Variants in SLC24A2 observed in about 807,000 individuals in gnomAD.
SLC24A2 encodes the protein solute carrier family 24 member 2.
Under a neutral mutation model 62.0 loss-of-function variants are expected in SLC24A2, and 36 were observed. That is an observed-to-expected ratio of 0.58 (90% CI 0.44 to 0.77). The LOEUF (loss-of-function observed/expected upper bound fraction) is 0.77, where lower values mean the gene tolerates loss of function less well. Ranked by LOEUF, SLC24A2 falls within the 30% of genes least tolerant of loss-of-function variation. The probability of loss-of-function intolerance (pLI) is 0.00; values close to 1 mark genes in which losing one functional copy is unlikely to be tolerated. For missense variants in SLC24A2, 846 were observed against 817.9 expected (o/e 1.03, Z -0.42); for synonymous variants, 358 against 294.0 (o/e 1.22, Z -2.23).
the SLC24A2 span, among the ~76,000 whole-genome samples, chr9:20,256,600 C>T: frequency 6.6e-6 from 1 of 152,108 alleles, no homozygotes. Context: ...CTTTCTAATC[C>T]TTACATGCTC....
At chr9:20,191,415 T>C in the SLC24A2 span, among the ~76,000 whole-genome samples, 7 of 152,156 alleles carry the variant, frequency 4.6e-5, no homozygotes, top group East Asian at 7.7e-4. Flanking sequence ...GCCAGCATGA[T>C]TTATGGGACC....
chr9:19,820,317 T>C, the SLC24A2 span, among the ~76,000 whole-genome samples: 19 of 150,304 alleles, frequency 1.3e-4, no homozygotes, highest in Admixed American at 9.3e-4. Context: ...GAGAAAAGAC[T>C]ACAAATATGG....
the SLC24A2 span, among the ~76,000 whole-genome samples, chr9:20,165,589 A>G: frequency 6.6e-6 from 1 of 151,908 alleles, no homozygotes; most frequent in Non-Finnish European, 1.5e-5. Flanking sequence ...TAGACATTTG[A>G]AAAAAGAAAA....
the SLC24A2 span, among the ~76,000 whole-genome samples, chr9:20,024,288 T>C: frequency 1.3e-5 from 2 of 152,268 alleles, no homozygotes; most frequent in Non-Finnish European, 2.9e-5. Flanking sequence ...ACCTGGAAAG[T>C]GATTTGCAAG....
chr9:20,116,783 C>A, the SLC24A2 span, among the ~76,000 whole-genome samples: 1 of 152,084 alleles, frequency 6.6e-6, no homozygotes, highest in Non-Finnish European at 1.5e-5. Context: ...TTCATTGACT[C>A]TGAGGCAAGA....
chr9:20,023,381 G>A, the SLC24A2 span, among the ~76,000 whole-genome samples: 1 of 152,212 alleles, frequency 6.6e-6, no homozygotes, highest in Non-Finnish European at 1.5e-5. Flanking sequence ...GCAGTGAGCA[G>A]GAGGTAATAG....
In SLC24A2 at chr9:19,513,966, C is replaced by G. The variant is rs1482882128; in HGVS notation, c.*2187G>C. ...ATTAGGTGGCAGGTTCCACTCAGCG[C>G]CTCTATTGGATGGTGTTTCAATGTC... is the stretch of plus-strand genomic sequence containing the variant. On this transcript the variant is annotated 3_prime_UTR_variant, in exon 11 of 11. Coordinates refer to ENST00000341998, the MANE Select transcript of SLC24A2 (RefSeq NM_020344.4). 1 of 152,186 alleles carries G rather than the reference C, an allele frequency of 6.6e-6. No homozygotes were observed. The highest frequency in any genetic ancestry group is 2.4e-5 in the African/African-American group (1 of 41,428). The allele number at this position is 152,186 out of a possible 1,614,324, so 9.4% of individuals were successfully genotyped here. A position where few individuals can be genotyped will look rare whatever the true frequency, so the allele number is the denominator to read the frequency against.
the SLC24A2 span, among the ~76,000 whole-genome samples, chr9:19,807,045 ATAG>A: frequency 6.6e-6 from 1 of 152,170 alleles, no homozygotes; most frequent in Non-Finnish European, 1.5e-5. Context: ...AAGAGAAAAC[ATAG>A]GGAGAAATGC....
At chr9:20,122,471 G>A in the SLC24A2 span, among the ~76,000 whole-genome samples, 1 of 152,222 alleles carries the variant, frequency 6.6e-6, no homozygotes, top group African/African-American at 2.4e-5. Flanking sequence ...CAGATCACTT[G>A]AAGTCAGGAG....
chr9:20,191,551 C>G, the SLC24A2 span, among the ~76,000 whole-genome samples: 3 of 151,554 alleles, frequency 2.0e-5, no homozygotes, highest in Non-Finnish European at 4.4e-5. Context: ...GAGTTTATTC[C>G]CTATGGCTAG....
At chr9:20,175,192 T>C in the SLC24A2 span, among the ~76,000 whole-genome samples, 4 of 151,882 alleles carry the variant, frequency 2.6e-5, no homozygotes, top group East Asian at 7.8e-4. Context: ...TATGAGGATG[T>C]GAAGACATAA....
chr9:19,729,223 G>C (rs1821263113), intron 2 of SLC24A2, among the ~76,000 whole-genome samples: 1 of 152,094 alleles, frequency 6.6e-6, no homozygotes, highest in South Asian at 2.1e-4. Context: ...TTATCAAAAA[G>C]ACAAAAAATA....
At chr9:20,133,266 C>T in the SLC24A2 span, among the ~76,000 whole-genome samples, 3 of 152,068 alleles carry the variant, frequency 2.0e-5, no homozygotes, top group Non-Finnish European at 4.4e-5. Context: ...ACATCTCCTA[C>T]TGGATCTGCT....
At chr9:19,862,502 C>A in the SLC24A2 span, among the ~76,000 whole-genome samples, 31 of 152,048 alleles carry the variant, frequency 2.0e-4, no homozygotes, top group Non-Finnish European at 4.0e-4. Context: ...CCTGAAGGTA[C>A]AAATCTCACT....
At chr9:19,708,626 G>C (rs1051084087) in intron 2 of SLC24A2, among the ~76,000 whole-genome samples, 7 of 152,156 alleles carry the variant, frequency 4.6e-5, no homozygotes, top group African/African-American at 1.7e-4. Flanking sequence ...TCTGATTTTT[G>C]ACAAACCTGA....
chr9:19,754,347 T>C (rs929952010), intron 2 of SLC24A2, among the ~76,000 whole-genome samples: 7 of 152,126 alleles, frequency 4.6e-5, no homozygotes, highest in African/African-American at 1.7e-4. Context: ...AGCATGACAA[T>C]CTCATGACAG....
chr9:19,893,670 G>A, the SLC24A2 span, among the ~76,000 whole-genome samples: 2 of 152,154 alleles, frequency 1.3e-5, no homozygotes, highest in African/African-American at 2.4e-5. Flanking sequence ...GAGTCTCAGA[G>A]GGTTTAAGGT....
the SLC24A2 span, among the ~76,000 whole-genome samples, chr9:19,986,759 T>C: frequency 1.6e-4 from 24 of 151,998 alleles, no homozygotes; most frequent in Non-Finnish European, 2.9e-4. Context: ...AGAAAGCAGA[T>C]TGGTAGTTGC....
chr9:19,990,696 A>G, the SLC24A2 span, among the ~76,000 whole-genome samples: 2 of 151,014 alleles, frequency 1.3e-5, no homozygotes, highest in Non-Finnish European at 2.9e-5. Context: ...AACAATTCAT[A>G]TACCTTAAAT....
Sources: gnomAD v4.1 joint callset for allele counts (sites outside exome capture counted in the v4.1 genomes callset) on GRCh38, gnomAD v4.1.1 for gene constraint, MANE v1.5 for transcripts, NCBI Gene and HGNC (gene_info 2026-07-23, HGNC 2026-07-21) for gene names.